The following SH3KBP1 variants were observed in gnomAD, a reference collection of about 807,000 sequenced individuals.
SH3KBP1 encodes the protein SH3 domain-containing kinase-binding protein 1.
A neutral mutation model predicts 50.1 loss-of-function variants in SH3KBP1; 8 were observed. The ratio of observed to expected loss-of-function variants is 0.16; its 90% CI spans 0.09 to 0.29. SH3KBP1 has a LOEUF of 0.29. Among genes scored for constraint, SH3KBP1 ranks in the 10% least tolerant of loss-of-function variants. The pLI, the probability that SH3KBP1 is intolerant of heterozygous loss-of-function variation, is 1.00. For synonymous variants in SH3KBP1, 227 were observed against 218.6 expected, an observed-to-expected ratio of 1.04 and a Z score of -0.34; for missense variants, 377 against 535.2, an observed-to-expected ratio of 0.70 and a Z score of 2.92.
intron 7 of SH3KBP1, among the ~76,000 whole-genome samples, chrX:19,636,158 GAGAA>G (rs987754519): frequency 1.7e-4 from 19 of 109,323 alleles, no homozygotes; most frequent in African/African-American, 6.3e-4. Flanking sequence ...GAGAGAGAGA[GAGAA>G]AAAATAAAGC....
chrX:19,738,733 A>G (rs1467377188), intron 3 of SH3KBP1, among the ~76,000 whole-genome samples: 1 of 105,096 alleles, frequency 9.5e-6, no homozygotes, highest in Non-Finnish European at 1.9e-5. Flanking sequence ...AGACTTGGCC[A>G]GGCACAGTGG....
chrX:19,559,274 CAAAAA>C (rs369794445), intron 13 of SH3KBP1, among the ~76,000 whole-genome samples: 4 of 8,616 alleles, frequency 4.6e-4, no homozygotes, highest in Non-Finnish European at 5.5e-4. Flanking sequence ...TCTGTCTCAC[CAAAAA>C]AAAAAAAAAA....
intron 2 of SH3KBP1, among the ~76,000 whole-genome samples, chrX:19,784,262 C>T (rs1016519625): frequency 1.8e-5 from 2 of 111,660 alleles, no homozygotes; most frequent in Non-Finnish European, 1.9e-5. Context: ...TTAAGACTTC[C>T]GATGAGATTC....
chrX:19,708,290 A>C (rs2148678481), intron 3 of SH3KBP1, among the ~76,000 whole-genome samples: 1 of 112,750 alleles, frequency 8.9e-6, no homozygotes, highest in South Asian at 3.7e-4. Flanking sequence ...ACAGAGTTGA[A>C]TAGAAGGAAG....
intron 12 of SH3KBP1, among the ~76,000 whole-genome samples, chrX:19,579,488 G>T (rs1569305333): frequency 8.9e-6 from 1 of 111,902 alleles, no homozygotes; most frequent in Non-Finnish European, 1.9e-5. Flanking sequence ...ACTACTCAAA[G>T]ACATAGCCCA....
chrX:19,776,532 G>GTGTTTTTTTT (rs2065980518), intron 2 of SH3KBP1, among the ~76,000 whole-genome samples: 2 of 25,681 alleles, frequency 7.8e-5, no homozygotes, highest in African/African-American at 3.4e-4. Flanking sequence ...TGACAACCTG[G>GTGTTTTTTTT]TTTTTTTTTT....
At chrX:19,692,624 C>CGTGTGTGTGTGT (rs534431997) in intron 5 of SH3KBP1, among the ~76,000 whole-genome samples, 7 of 68,689 alleles carry the variant, frequency 1.0e-4, no homozygotes, top group East Asian at 9.3e-4. Flanking sequence ...TATATACATA[C>CGTGTGTGTGTGT]GTGTGTGTGT....
At chrX:19,631,125 AACCACCATACACATCTTC>A (rs1254941753) in intron 8 of SH3KBP1, among the ~76,000 whole-genome samples, 2 of 112,348 alleles carry the variant, frequency 1.8e-5, no homozygotes, top group East Asian at 5.6e-4. Flanking sequence ...ACAAGAATAA[AACCACCATACACATCTTC>A]AAGACCATTC....
At chrX:19,546,232 G>C (rs2065080986) in intron 14 of SH3KBP1, among the ~76,000 whole-genome samples, 182 bp from the exon 15 acceptor site, 1 of 112,434 alleles carries the variant, frequency 8.9e-6, no homozygotes, top group Admixed American at 9.4e-5. Context: ...CTGATTAGTG[G>C]CAGAACTGCG....
chrX:19,643,313 T>TTG (rs2061911847), intron 7 of SH3KBP1, among the ~76,000 whole-genome samples: 1 of 86,436 alleles, frequency 1.2e-5, no homozygotes, highest in Non-Finnish European at 2.1e-5. Flanking sequence ...TTTTATTTTT[T>TTG]TTTTTTTTAT....
At chrX:19,649,551 C>G (rs1428250856) in intron 6 of SH3KBP1, among the ~76,000 whole-genome samples, 2 of 111,808 alleles carry the variant, frequency 1.8e-5, no homozygotes, top group African/African-American at 6.5e-5. Context: ...ATACCTATCT[C>G]CATTTAAAAC....
intron 11 of SH3KBP1, among the ~76,000 whole-genome samples, chrX:19,590,367 A>G (rs1465688476): frequency 9.0e-6 from 1 of 111,597 alleles, no homozygotes. Flanking sequence ...GTATCCGGGT[A>G]GGGCTGATTC....
intron 16 of SH3KBP1, among the ~76,000 whole-genome samples, chrX:19,541,382 C>G (rs776186699): frequency 2.0e-4 from 22 of 111,653 alleles, no homozygotes; most frequent in Non-Finnish European, 4.0e-4. Flanking sequence ...AAGAAAGACC[C>G]CCACTGCCCC....
At chrX:19,729,052 G>A (rs1273672366) in intron 3 of SH3KBP1, among the ~76,000 whole-genome samples, 1 of 112,333 alleles carries the variant, frequency 8.9e-6, no homozygotes, top group Non-Finnish European at 1.9e-5. Context: ...AGAAGTCATG[G>A]GGAGATAAAG....
chrX:19,783,750 A>G (rs2147131175), intron 2 of SH3KBP1, among the ~76,000 whole-genome samples: 1 of 112,236 alleles, frequency 8.9e-6, no homozygotes, highest in East Asian at 2.8e-4. Context: ...CAAATAAAAA[A>G]AAACTTAAAC....
Position 19,692,495 on chromosome X carries a change from G to A in SH3KBP1, c.520+3117C>T, listed in dbSNP as rs769642494. On this transcript the variant is annotated intron_variant, in intron 5 of 17. Transcript: ENST00000397821. ...CCATTGGTACACAAAATTCAACTCA[G>A]TAACTACTTCAAATACTTTCTGGAA... 8.2e-4 allele frequency among the ~76,000 whole-genome samples: 89 copies of A among 109,148 alleles called. 1 individual carries two copies. Among genetic ancestry groups the A allele is most frequent in the Non-Finnish European group, 1.4e-3 (75 of 52,568 alleles). The allele number at this position is 109,148 out of a possible 115,157, so 94.8% of individuals were successfully genotyped here.
chrX:19,585,586 G>T (rs965749140), intron 12 of SH3KBP1, among the ~76,000 whole-genome samples: 1 of 111,384 alleles, frequency 9.0e-6, no homozygotes, highest in African/African-American at 3.3e-5. Context: ...TCTGAAGCAC[G>T]AGCAGGCGCT....
chrX:19,553,943 A>ATATATATTAAAATATAATATATAT (rs1491507492), intron 13 of SH3KBP1, among the ~76,000 whole-genome samples: 722 of 68,019 alleles, frequency 0.011, 13 homozygotes, highest in Non-Finnish European at 0.016. Flanking sequence ...ATAATATATA[A>ATATATATTAAAATATAATATATAT]TATATATTAA....
At chrX:19,698,556 C>T (rs560831478) in intron 4 of SH3KBP1, among the ~76,000 whole-genome samples, 1 of 111,878 alleles carries the variant, frequency 8.9e-6, no homozygotes, top group African/African-American at 3.3e-5. Context: ...AACCACTGCT[C>T]ATCGCCTGGG....
Sources: gnomAD v4.1 joint callset for allele counts (sites outside exome capture counted in the v4.1 genomes callset) on GRCh38, gnomAD v4.1.1 for gene constraint, MANE v1.5 for transcripts, NCBI Gene and HGNC (gene_info 2026-07-23, HGNC 2026-07-21) for gene names.